Variants in NELL1 observed in about 807,000 individuals in gnomAD.
NELL1 encodes protein kinase C-binding protein NELL1.
In NELL1, 76 loss-of-function variants were observed where a neutral mutation model predicts 107.4. The observed-to-expected ratio is 0.71, with a 90% CI of 0.59 to 0.86. The LOEUF (loss-of-function observed/expected upper bound fraction) is 0.86, where lower values mean the gene tolerates loss of function less well. Ranked by LOEUF, NELL1 falls within the 40% of genes least tolerant of loss-of-function variation. The pLI, the probability that NELL1 is intolerant of heterozygous loss-of-function variation, is 0.00. For synonymous variants in NELL1, 353 were observed against 341.2 expected, an observed-to-expected ratio of 1.03 and a Z score of -0.38; for missense variants, 1,024 against 1,005.5, an observed-to-expected ratio of 1.02 and a Z score of -0.25.
chr11:20,760,583 G>A (rs954806574), intron 2 of NELL1, among the ~76,000 whole-genome samples: 2 of 152,204 alleles, frequency 1.3e-5, no homozygotes, highest in African/African-American at 2.4e-5. Context: ...GGCACATGGA[G>A]TGTGTCCAGC....
chr11:21,151,524 A>G (rs1228940803), intron 13 of NELL1, among the ~76,000 whole-genome samples: 1 of 152,126 alleles, frequency 6.6e-6, no homozygotes, highest in Admixed American at 6.6e-5. Context: ...TACTTCAGCC[A>G]TTCATCCTAT....
At chr11:21,264,751 G>A (rs1848603592) in intron 14 of NELL1, among the ~76,000 whole-genome samples, 1 of 150,906 alleles carries the variant, frequency 6.6e-6, no homozygotes, top group African/African-American at 2.4e-5. Context: ...CAGTTGTGGA[G>A]TGTGTGTGTG....
intron 4 of NELL1, among the ~76,000 whole-genome samples, chr11:20,869,843 G>C (rs1403662440): frequency 1.3e-5 from 2 of 152,184 alleles, no homozygotes; most frequent in African/African-American, 4.8e-5. Flanking sequence ...TTGCCTTATA[G>C]CGTATCTTCC....
intron 13 of NELL1, among the ~76,000 whole-genome samples, chr11:21,161,551 A>T (rs1373994578): frequency 6.6e-6 from 1 of 152,154 alleles, no homozygotes; most frequent in Non-Finnish European, 1.5e-5. Context: ...AATAAATAAA[A>T]AAATAGAACT....
At chr11:21,497,196 TAC>T (rs1238596849) in intron 15 of NELL1, among the ~76,000 whole-genome samples, 1 of 148,080 alleles carries the variant, frequency 6.8e-6, no homozygotes, top group Non-Finnish European at 1.5e-5. Flanking sequence ...TTAGGAGATA[TAC>T]CTAATGTAAA....
chr11:21,209,991 CT>C, intron 13 of NELL1, among the ~76,000 whole-genome samples: 1 of 152,178 alleles, frequency 6.6e-6, no homozygotes, highest in East Asian at 1.9e-4. Context: ...ATAATTATAT[CT>C]TTTTTGACTG....
At chr11:20,775,548 CTCTT>C (rs549742502) in intron 2 of NELL1, among the ~76,000 whole-genome samples, 69 of 152,158 alleles carry the variant, frequency 4.5e-4, no homozygotes, top group African/African-American at 1.7e-3. Context: ...CTTTAACTCT[CTCTT>C]TATTCCTGTG....
rs116916928 is a variant in NELL1 at position 21,512,829 on chromosome 11, G to T, written c.1646-21545G>T. 5.3e-3 allele frequency among the ~76,000 whole-genome samples: 810 copies of T among 152,098 alleles called. 19 individuals carry two copies. The highest frequency in any genetic ancestry group is 0.034 in the East Asian group (177 of 5,176). ...TGACTAGAAAAAAAAAAAGAAATAT[G>T]CAACAGATATAAACCAACGAAGCCT... On this transcript the variant is annotated intron_variant, in intron 15 of 19. Coordinates refer to ENST00000357134, the MANE Select transcript of NELL1 (RefSeq NM_006157.5).
chr11:20,970,824 A>G lies in NELL1; in HGVS notation c.1300+10264A>G, dbSNP rs188359303. Among the ~76,000 whole-genome samples the G allele has an allele frequency of 2.4e-4, 36 of 152,246 alleles. 1 individual carries two copies. Among genetic ancestry groups the G allele is most frequent in the Middle Eastern group, 3.4e-3 (1 of 294 alleles). On this transcript the variant is annotated intron_variant, in intron 12 of 19. Transcript: ENST00000357134. ...TTTGTGGGCCAGTATATACACATAT[A>G]GGATGCTGGTATCACAGTGGGTGCA... is the stretch of plus-strand genomic sequence containing the variant.
chr11:21,001,161 A>ATTATTATTAT (rs1460062165), intron 12 of NELL1, among the ~76,000 whole-genome samples: 1 of 152,128 alleles, frequency 6.6e-6, no homozygotes, highest in African/African-American at 2.4e-5. Flanking sequence ...CTATCCCATC[A>ATTATTATTAT]TTATTATTAT....
chr11:20,848,294 A>T (rs1380613363), intron 4 of NELL1, among the ~76,000 whole-genome samples: 1 of 152,124 alleles, frequency 6.6e-6, no homozygotes, highest in African/African-American at 2.4e-5. Flanking sequence ...CAGAGGAATG[A>T]GCCTTCCAGC....
At chr11:21,413,812 G>A (rs563532796) in intron 15 of NELL1, among the ~76,000 whole-genome samples, 3 of 152,150 alleles carry the variant, frequency 2.0e-5, no homozygotes, top group African/African-American at 7.2e-5. Context: ...CCCATGACCT[G>A]TCACAATTTG....
Position 20,847,900 on chromosome 11 carries a change from A to G in NELL1, c.506+147A>G, listed in dbSNP as rs57742360. The G allele has an allele frequency of 1.3e-4, 101 of 791,982 alleles. No individual in the cohort carries two copies. In the African/African-American group the frequency reaches 1.6e-3, roughly 13 times the overall value. 49.1% of individuals were successfully genotyped at this position (791,982 alleles called of 1,614,324 possible). ...AATTTAACCTACCAAATGGGACCTT[A>G]GGCATGCTGAAATGACCAACTGTAA... is the stretch of plus-strand genomic sequence containing the variant. On this transcript the variant is annotated intron_variant, in intron 4 of 19. Coordinates refer to ENST00000357134, the MANE Select transcript of NELL1 (RefSeq NM_006157.5).
At chr11:21,008,288 C>A (rs1047995643) in intron 12 of NELL1, among the ~76,000 whole-genome samples, 1 of 152,070 alleles carries the variant, frequency 6.6e-6, no homozygotes, top group Non-Finnish European at 1.5e-5. Flanking sequence ...TGAATACAAA[C>A]TACATCTTAA....
intron 4 of NELL1, among the ~76,000 whole-genome samples, chr11:20,849,179 GC>G (rs1223779615): frequency 6.6e-6 from 1 of 152,190 alleles, no homozygotes; most frequent in Non-Finnish European, 1.5e-5. Flanking sequence ...CAGAGGAAGA[GC>G]CCTGCTTGTC....
rs142198159 is a variant in NELL1, at chr11:21,220,551, A to G, written c.1427-8781A>G. On this transcript the variant is annotated intron_variant, in intron 13 of 19. Transcript: ENST00000357134. ...TTGTGTGTCCTCTTTAGTTTCTTTT[A>G]TCAATGTTTTGTAGTCTTTATTATA... is the stretch of plus-strand genomic sequence containing the variant. 7.0e-3 allele frequency among the ~76,000 whole-genome samples: 1,066 copies of G among 152,088 alleles called. 12 individuals are homozygous for G. The highest frequency in any genetic ancestry group is 0.022 in the African/African-American group (897 of 41,490).
chr11:20,949,405 A>G (rs1851029172), intron 11 of NELL1, among the ~76,000 whole-genome samples: 1 of 152,292 alleles, frequency 6.6e-6, no homozygotes, highest in Middle Eastern at 3.4e-3. Flanking sequence ...TGCAGCTGGT[A>G]TGTTTTGGAA....
In NELL1 at chr11:21,185,299, T is replaced by TG. The variant is rs1856910558; in HGVS notation, c.1427-44033_1427-44032insG. Among the ~76,000 whole-genome samples the TG allele has an allele frequency of 3.3e-5, 5 of 149,402 alleles. No individual in the cohort carries two copies. The South Asian group carries it at 1.1e-3, about 32-fold the overall frequency. ...TTGTATTTAATTCCAGTATCTTTTT[T>TG]TTTTTTTTTTTTTGAGGTGAAATTT... On this transcript the variant is annotated intron_variant, in intron 13 of 19. Coordinates refer to ENST00000357134, the MANE Select transcript of NELL1 (RefSeq NM_006157.5).
At chr11:21,085,076 C>T (rs896188341) in intron 12 of NELL1, among the ~76,000 whole-genome samples, 1 of 151,990 alleles carries the variant, frequency 6.6e-6, no homozygotes, top group Non-Finnish European at 1.5e-5. Context: ...ATATCTGGCA[C>T]CTAAAATTAA....
Sources: gnomAD v4.1 joint callset for allele counts (sites outside exome capture counted in the v4.1 genomes callset) on GRCh38, gnomAD v4.1.1 for gene constraint, MANE v1.5 for transcripts, NCBI Gene and HGNC (gene_info 2026-07-23, HGNC 2026-07-21) for gene names.